Variants in HHAT observed in about 807,000 individuals in gnomAD.
HHAT encodes the protein protein-cysteine N-palmitoyltransferase HHAT.
HHAT carries 47 observed loss-of-function variants against 70.8 expected under a neutral mutation model. That is an observed-to-expected ratio of 0.66 (90% CI 0.53 to 0.85). HHAT has a LOEUF of 0.85. HHAT is among the 40% of genes least tolerant of loss of function. The pLI is 0.00. For missense variants in HHAT, 609 were observed against 604.8 expected (o/e 1.01, Z -0.07); for synonymous variants, 228 against 247.6 (o/e 0.92, Z 0.74).
intron 10 of HHAT, among the ~76,000 whole-genome samples, chr1:210,599,575 C>G (rs1320876261): frequency 6.6e-6 from 1 of 152,184 alleles, no homozygotes; most frequent in African/African-American, 2.4e-5. Flanking sequence ...CTCTCCCCCT[C>G]AGATTGATCT....
chr1:210,485,032 G>T (rs989802380), intron 8 of HHAT, among the ~76,000 whole-genome samples: 2 of 152,152 alleles, frequency 1.3e-5, no homozygotes, highest in Non-Finnish European at 2.9e-5. Flanking sequence ...GGTTCATGGG[G>T]TCTCTTTGCT....
intron 6 of HHAT, among the ~76,000 whole-genome samples, chr1:210,405,351 C>T (rs1414418389): frequency 6.6e-6 from 1 of 152,110 alleles, no homozygotes; most frequent in Non-Finnish European, 1.5e-5. Context: ...TTTCTGCCTC[C>T]TCAACCTACC....
At chr1:210,385,330 T>C (rs1221604396) in intron 3 of HHAT, among the ~76,000 whole-genome samples, 1 of 151,958 alleles carries the variant, frequency 6.6e-6, no homozygotes, top group Non-Finnish European at 1.5e-5. Context: ...ATCCCTGTTA[T>C]AAAAGTGGTA....
rs989000193 is a variant in HHAT, at chr1:210,661,140, A to C, written c.1391-13148A>C. ...TCAGAGTGAACAGGCAACCTACAGA[A>C]TGGGAGAAAATTTTTGCAATCTACC... On this transcript the variant is annotated intron_variant, in intron 11 of 11. Coordinates refer to ENST00000261458, the MANE Select transcript of HHAT (RefSeq NM_018194.6). 3.3e-5 allele frequency among the ~76,000 whole-genome samples: 5 copies of C among 152,322 alleles called. No individual in the cohort carries two copies. In the South Asian group the frequency reaches 1.0e-3, roughly 32 times the overall value.
chr1:210,434,564 A>G (rs1558509363), intron 7 of HHAT, among the ~76,000 whole-genome samples: 1 of 151,836 alleles, frequency 6.6e-6, no homozygotes, highest in Admixed American at 6.6e-5. Context: ...TATCTCTTAT[A>G]CAGCTGAAAA....
chr1:210,402,896 G>C (rs1046283237), intron 5 of HHAT, among the ~76,000 whole-genome samples: 1 of 152,168 alleles, frequency 6.6e-6, no homozygotes, highest in Non-Finnish European at 1.5e-5. Flanking sequence ...AATGTGAGAT[G>C]GATGACCTGG....
At chr1:210,633,155 G>A (rs190331583) in intron 11 of HHAT, among the ~76,000 whole-genome samples, 8 of 152,348 alleles carry the variant, frequency 5.3e-5, no homozygotes, top group African/African-American at 1.4e-4. Context: ...GTTGTGTGGA[G>A]TATGAAGTTG....
chr1:210,639,782 T>C (rs765232708), intron 11 of HHAT, among the ~76,000 whole-genome samples: 1 of 152,222 alleles, frequency 6.6e-6, no homozygotes, highest in Non-Finnish European at 1.5e-5. Flanking sequence ...TCATCGTTAG[T>C]ATGATGTCAG....
intron 7 of HHAT, among the ~76,000 whole-genome samples, chr1:210,420,490 G>T (rs2092865933): frequency 6.6e-6 from 1 of 151,800 alleles, no homozygotes; most frequent in Non-Finnish European, 1.5e-5. Flanking sequence ...TTCCCTGTAG[G>T]GCCATAACTT....
rs573242052 is a variant in HHAT, at chr1:210,331,048, G to C, written c.-44+1944G>C. 2.0e-5 allele frequency among the ~76,000 whole-genome samples: 3 copies of C among 151,990 alleles called. No homozygotes were observed. In the South Asian group the frequency reaches 6.2e-4, roughly 32 times the overall value. ...AGGCTGGTCTCAAATTCCTGAGCTC[G>C]AACTCCTGAGCTCAAGCCATCCTCT... is the stretch of plus-strand genomic sequence containing the variant. On this transcript the variant is annotated intron_variant, in intron 1 of 11. Transcript: ENST00000261458.
chr1:210,597,055 T>C lies in HHAT; in HGVS notation c.1245+8956T>C, dbSNP rs375102389. 3.9e-5 allele frequency among the ~76,000 whole-genome samples: 6 copies of C among 152,210 alleles called. No individual in the cohort carries two copies. In the East Asian group the frequency reaches 7.7e-4, roughly 20 times the overall value. On this transcript the variant is annotated intron_variant, in intron 10 of 11. Coordinates refer to ENST00000261458, the MANE Select transcript of HHAT (RefSeq NM_018194.6). ...TATTTGCATTACGGGGCACCCCATG[T>C]CCAGTAATACTGTGGGTCTTGCAGA...
chr1:210,384,895 T>C (rs1421468458), intron 3 of HHAT, among the ~76,000 whole-genome samples: 1 of 152,238 alleles, frequency 6.6e-6, no homozygotes, highest in Non-Finnish European at 1.5e-5. Flanking sequence ...TCTTGACCTA[T>C]TCATTGGCCC....
chr1:210,618,776 A>G (rs1014795941), intron 10 of HHAT, among the ~76,000 whole-genome samples: 1 of 152,022 alleles, frequency 6.6e-6, no homozygotes, highest in African/African-American at 2.4e-5. Context: ...TGCTCCCACC[A>G]ATCCTGTGAT....
intron 7 of HHAT, among the ~76,000 whole-genome samples, chr1:210,431,438 G>A (rs2093240436): frequency 6.6e-6 from 1 of 151,734 alleles, no homozygotes; most frequent in Non-Finnish European, 1.5e-5. Flanking sequence ...GGTCTCCAAG[G>A]ACTTTTCCAA....
At chr1:210,671,694 G>A (rs12123159) in intron 11 of HHAT, among the ~76,000 whole-genome samples, 50,122 of 152,152 alleles carry the variant, frequency 0.33, 10,052 homozygotes, top group South Asian at 0.53. Flanking sequence ...GTAAGGAAGA[G>A]TTCCTGCCAA....
At chr1:210,613,125 T>G (rs1251878150) in intron 10 of HHAT, among the ~76,000 whole-genome samples, 1 of 152,196 alleles carries the variant, frequency 6.6e-6, no homozygotes, top group African/African-American at 2.4e-5. Context: ...AAGGTCAAGT[T>G]TATCTCTTTT....
chr1:210,578,845 T>G (rs1658515254), intron 9 of HHAT, among the ~76,000 whole-genome samples: 1 of 152,126 alleles, frequency 6.6e-6, no homozygotes, highest in African/African-American at 2.4e-5. Flanking sequence ...ATAGTCAAAC[T>G]CCACATGTAT....
rs574855796 is a variant in HHAT at position 210,514,540 on chromosome 1, T to C, written c.1043+1352T>C. On this transcript the variant is annotated intron_variant, in intron 9 of 11. Transcript: ENST00000261458. ...CCCATTGTACTGTTCCCTTAATGCC[T>C]TGTAGTGGATGCAAGTTTGTACTCT... 2.0e-5 allele frequency among the ~76,000 whole-genome samples: 3 copies of C among 152,326 alleles called. No individual in the cohort carries two copies. The South Asian group carries it at 6.2e-4, about 32-fold the overall frequency.
intron 8 of HHAT, among the ~76,000 whole-genome samples, 164 bp from the exon 9 acceptor site, chr1:210,512,989 G>A (rs1298521235): frequency 6.6e-6 from 1 of 152,168 alleles, no homozygotes; most frequent in Admixed American, 6.5e-5. Context: ...ATTCCAACAA[G>A]TTCCCAGGAA....
Sources: gnomAD v4.1 joint callset for allele counts (sites outside exome capture counted in the v4.1 genomes callset) on GRCh38, gnomAD v4.1.1 for gene constraint, MANE v1.5 for transcripts, NCBI Gene and HGNC (gene_info 2026-07-23, HGNC 2026-07-21) for gene names.